The following PRKCQ variants were observed in gnomAD, a reference collection of about 807,000 sequenced individuals.
The protein encoded by PRKCQ is protein kinase C theta type.
A neutral mutation model predicts 91.2 loss-of-function variants in PRKCQ; 41 were observed. The ratio of observed to expected loss-of-function variants is 0.45; its 90% confidence interval spans 0.35 to 0.58. The LOEUF is 0.58. Among genes scored for constraint, PRKCQ ranks in the 20% least tolerant of loss-of-function variants. PRKCQ has a pLI of 0.00. For missense variants in PRKCQ, 673 were observed against 896.5 expected (o/e 0.75, Z 3.18); for synonymous variants, 307 against 316.9 (o/e 0.97, Z 0.33).
Position 6,515,031 on chromosome 10 carries a change from C to T in PRKCQ, c.105G>A (p.Glu35=), listed in dbSNP as rs777201510. The change falls in exon 2 of 18, where the codon GAG becomes GAA. Residue 35 remains glutamate (E), a synonymous_variant. Coordinates refer to ENST00000263125, the MANE Select transcript of PRKCQ (RefSeq NM_006257.5). ...CCTCAAGCTTACCTGATTCGACATA[C>T]TCTTTGACGAGCACAGCACAGTAAG... The part of the protein sequence containing the change: ...VNPYCAVLVK[E]YVESENGQMY... The T allele has an allele frequency of 5.6e-6, 9 of 1,613,540 alleles. No homozygotes were observed. The highest frequency in any genetic ancestry group is 6.8e-6 in the Non-Finnish European group (8 of 1,179,968).
At position 6,497,296 on chromosome 10, in the gene PRKCQ, A is replaced by G. The variant is rs775743844; in HGVS notation, c.543-45T>C. On this transcript the variant is annotated intron_variant, in intron 5 of 17. Transcript: ENST00000263125. The surrounding 1 kb of genome is among the most constrained non-coding windows in gnomAD (Gnocchi z 4.5). ...GATTTATTTCAATGTTGGCATCAAC[A>G]TCAGCACCAACAGCATTTAAGAGAT... The G allele has an allele frequency of 6.8e-6, 11 of 1,611,266 alleles. No homozygotes were observed. In the Admixed American group the frequency reaches 1.7e-4, roughly 24 times the overall value.
chr10:6,500,414 CAT>C (rs1296746243), intron 4 of PRKCQ, among the ~76,000 whole-genome samples: 46 of 151,036 alleles, frequency 3.0e-4, no homozygotes, highest in Admixed American at 7.9e-4. Flanking sequence ...TATATCTATA[CAT>C]ATATGTTTAT....
At chr10:6,452,245 A>C (rs544291209) in intron 15 of PRKCQ, among the ~76,000 whole-genome samples, 2 of 152,370 alleles carry the variant, frequency 1.3e-5, no homozygotes, top group East Asian at 3.9e-4. Flanking sequence ...ATACAAAATC[A>C]ATGTACAAAA....
chr10:6,518,357 A>C (rs2130876089), intron 1 of PRKCQ, among the ~76,000 whole-genome samples: 2 of 152,354 alleles, frequency 1.3e-5, no homozygotes, highest in African/African-American at 4.8e-5. Flanking sequence ...CTTTTAAAAA[A>C]TTAAAATAGC....
At chr10:6,412,491 A>C in the PRKCQ span, among the ~76,000 whole-genome samples, 1 of 152,248 alleles carries the variant, frequency 6.6e-6, no homozygotes, top group Non-Finnish European at 1.5e-5. Context: ...AAGATATCAA[A>C]GCATGCTATA....
At chr10:6,470,411 C>T (rs934877026) in intron 12 of PRKCQ, among the ~76,000 whole-genome samples, 4 of 152,194 alleles carry the variant, frequency 2.6e-5, no homozygotes, top group Admixed American at 2.0e-4. Context: ...GAGTCCCATG[C>T]GTGTCACCTC....
chr10:6,399,000 A>G, the PRKCQ span, among the ~76,000 whole-genome samples: 3 of 152,174 alleles, frequency 2.0e-5, no homozygotes, highest in African/African-American at 7.2e-5. Flanking sequence ...AACTCAAGCA[A>G]TCTGCCTGCC....
chr10:6,577,552 T>TAC lies in PRKCQ; in HGVS notation c.-10+2657_-10+2658dup, dbSNP rs146275272. The stretch of plus-strand genomic sequence containing the variant: ...TTAAATTACAGATTACACACACACA[T>TAC]ACACACACACACGGAATCACGTCTA... On this transcript the variant is annotated intron_variant, in intron 1 of 17. Transcript: ENST00000263125. Among the ~76,000 whole-genome samples the TAC allele has an allele frequency of 2.4e-4, 36 of 151,800 alleles. No individual in the cohort carries two copies. The South Asian group carries it at 4.0e-3, about 17-fold the overall frequency.
chr10:6,423,912 T>C (rs1289264122), downstream of PRKCQ, among the ~76,000 whole-genome samples: 10 of 152,244 alleles, frequency 6.6e-5, no homozygotes, highest in East Asian at 1.9e-3. Flanking sequence ...AGACAGAGGA[T>C]TGTAGAGACG....
chr10:6,401,621 G>A, the PRKCQ span, among the ~76,000 whole-genome samples: 1 of 151,866 alleles, frequency 6.6e-6, no homozygotes, highest in Non-Finnish European at 1.5e-5. Flanking sequence ...GGTTCTGAGC[G>A]CCAGCCACTT....
At chr10:6,514,988 C>G (rs1355285981) in intron 2 of PRKCQ, 30 bp downstream of exon 2, 1 of 1,611,998 alleles carries the variant, frequency 6.2e-7, no homozygotes. Context: ...TCCTCCTCCT[C>G]CCCCGCTTTG....
chr10:6,472,258 A>G (rs1459158899), intron 12 of PRKCQ, among the ~76,000 whole-genome samples: 1 of 152,190 alleles, frequency 6.6e-6, no homozygotes, highest in African/African-American at 2.4e-5. Flanking sequence ...CAGTGAGCCG[A>G]GATCGCACCA....
chr10:6,395,506 A>T, the PRKCQ span, among the ~76,000 whole-genome samples: 1 of 152,134 alleles, frequency 6.6e-6, no homozygotes, highest in East Asian at 1.9e-4. Flanking sequence ...AAATATCTCA[A>T]GCCCTGATCT....
In PRKCQ at chr10:6,507,467, T is replaced by C; in HGVS notation, c.348A>G (p.Leu116=). The change falls in exon 4 of 18, where the codon CTA becomes CTG. Residue 116 remains leucine, a synonymous_variant. Coordinates refer to ENST00000263125, the MANE Select transcript of PRKCQ (RefSeq NM_006257.5). ...WLELKPQGRM[L]MNARYFLEMS... is the part of the protein sequence containing the mutation. Reference sequence around the variant, plus strand: ...TTTCCAGAAAGTATCTTGCATTCATTAGCATTCGGCCTTGAGGTTTCAGCT... The same window carrying C: ...TTTCCAGAAAGTATCTTGCATTCATCAGCATTCGGCCTTGAGGTTTCAGCT... 3 of 1,613,858 alleles carry C rather than the reference T, an allele frequency of 1.9e-6. No homozygotes were observed. Among genetic ancestry groups the C allele is most frequent in the South Asian group, 2.2e-5 (2 of 91,080 alleles).
intron 4 of PRKCQ, among the ~76,000 whole-genome samples, chr10:6,506,051 C>T (rs1048377117): frequency 1.3e-5 from 2 of 152,156 alleles, no homozygotes. Context: ...TTTAGGTCAG[C>T]ACTTTCACAT....
In PRKCQ at chr10:6,497,367, C is replaced by T. The variant is rs1837677713; in HGVS notation, c.543-116G>A. 4.1e-6 allele frequency: 5 copies of T among 1,206,220 alleles called. No homozygotes were observed. The highest frequency in any genetic ancestry group is 6.1e-6 in the Non-Finnish European group (5 of 815,872). 74.7% of individuals were successfully genotyped at this position (1,206,220 alleles called of 1,614,324 possible). A position where few individuals can be genotyped will look rare whatever the true frequency, so the allele number is the denominator to read the frequency against. ...CTAAGATCACAGAGCAGTTTCTGAT[C>T]AGCAGCCCTGTTGTATCATTTGCCA... On this transcript the variant is annotated intron_variant, in intron 5 of 17. Coordinates refer to ENST00000263125, the MANE Select transcript of PRKCQ (RefSeq NM_006257.5). This position sits in a 1 kb window ranked among gnomAD's most constrained non-coding sequence, Gnocchi z 4.5.
intron 15 of PRKCQ, among the ~76,000 whole-genome samples, chr10:6,442,637 G>A (rs1834033236): frequency 6.6e-6 from 1 of 152,160 alleles, no homozygotes; most frequent in African/African-American, 2.4e-5. Context: ...ATTGTGTCCT[G>A]TGCCAGGAAA....
chr10:6,408,244 G>A, the PRKCQ span, among the ~76,000 whole-genome samples: 1 of 151,922 alleles, frequency 6.6e-6, no homozygotes, highest in African/African-American at 2.4e-5. Context: ...TACATCTCCA[G>A]GGTGTACTTT....
intron 1 of PRKCQ, among the ~76,000 whole-genome samples, chr10:6,547,352 T>C (rs1201070756): frequency 0.011 from 1,702 of 151,538 alleles, 31 homozygotes; most frequent in African/African-American, 0.038. Flanking sequence ...AAGCTACCAA[T>C]GACTTTCTTC....
Sources: allele counts gnomAD v4.1 joint callset (sites outside exome capture counted in the v4.1 genomes callset), GRCh38; gene constraint gnomAD v4.1.1; non-coding constraint Gnocchi (gnomAD v3.1); transcripts MANE v1.5; gene names NCBI Gene and HGNC (gene_info 2026-07-23, HGNC 2026-07-21).